The following CHST13 variants were observed in gnomAD, a reference collection of about 807,000 sequenced individuals.
CHST13 encodes the protein carbohydrate sulfotransferase 13.
CHST13 carries 1 observed loss-of-function variant against 7.0 expected under a neutral mutation model. The observed-to-expected ratio is 0.14, with a 90% confidence interval of 0.05 to 0.68. CHST13 has a LOEUF of 0.68. CHST13 is among the 30% of genes least tolerant of loss of function. The pLI, the probability that CHST13 is intolerant of heterozygous loss-of-function variation, is 0.82. For missense variants in CHST13, 572 were observed against 507.9 expected, an observed-to-expected ratio of 1.13 and a Z score of -1.21; for synonymous variants, 257 against 240.9, an observed-to-expected ratio of 1.07 and a Z score of -0.62.
chr3:126,528,898 A>G (rs1936589491), intron 1 of CHST13, among the ~76,000 whole-genome samples: 1 of 152,194 alleles, frequency 6.6e-6, no homozygotes, highest in Non-Finnish European at 1.5e-5. Context: ...CATGCAGGTC[A>G]CCCCAGAAAG....
At chr3:126,535,355 G>A (rs1410551066) in intron 1 of CHST13, among the ~76,000 whole-genome samples, 2 of 149,486 alleles carry the variant, frequency 1.3e-5, no homozygotes, top group Non-Finnish European at 3.0e-5. Context: ...TCAGCCGGGA[G>A]ACACACAGAC....
chr3:126,542,542 C>G lies in CHST13; in HGVS notation c.990C>G (p.Phe330Leu). The G allele has an allele frequency of 6.5e-7, 1 of 1,531,426 alleles. No individual in the cohort carries two copies. Among genetic ancestry groups the G allele is most frequent in the Non-Finnish European group, 8.7e-7 (1 of 1,144,840 alleles). 94.9% of individuals were successfully genotyped at this position (1,531,426 alleles called of 1,614,324 possible). ...TCTACAAGATGGACTTCCTGCTTTT[C>G]AACTACTCCGCCCCCTCCTACCTGC... ...FDLYKMDFLL[F>L]NYSAPSYLRL... The change falls in exon 3 of 3, where the codon TTC becomes TTG. Residue 330 changes from phenylalanine (F) to leucine (L), a missense_variant. Phe to Leu is a conservative substitution (Grantham distance 22, BLOSUM62 0). Transcript: ENST00000319340.
chr3:126,539,248 A>G (rs1045483732), intron 2 of CHST13, among the ~76,000 whole-genome samples: 1 of 152,126 alleles, frequency 6.6e-6, no homozygotes, highest in African/African-American at 2.4e-5. Context: ...GTCTGAACGT[A>G]TCTCTAAAAT....
intron 1 of CHST13, among the ~76,000 whole-genome samples, chr3:126,525,416 T>TC: frequency 6.6e-6 from 1 of 152,074 alleles, no homozygotes; most frequent in Middle Eastern, 3.4e-3. Context: ...CTCTGCCCAC[T>TC]CCCCCTGACC....
intron 1 of CHST13, among the ~76,000 whole-genome samples, chr3:126,524,709 G>A (rs1936502645): frequency 6.6e-6 from 1 of 152,186 alleles, no homozygotes; most frequent in South Asian, 2.1e-4. Context: ...CAGTTGTGGG[G>A]GGTAGAGGAC....
At chr3:126,529,228 G>A in intron 1 of CHST13, 1 of 972,648 alleles carries the variant, frequency 1.0e-6, no homozygotes, top group Non-Finnish European at 1.4e-6. Flanking sequence ...GTTTCACCCG[G>A]TATCTTGATT....
At chr3:126,538,390 T>TA (rs1291583263) in intron 2 of CHST13, among the ~76,000 whole-genome samples, 1 of 152,212 alleles carries the variant, frequency 6.6e-6, no homozygotes, top group Non-Finnish European at 1.5e-5. Context: ...CTTTTCACCC[T>TA]AAGGGAGTCT....
chr3:126,531,921 C>T (rs1936668104), intron 1 of CHST13, among the ~76,000 whole-genome samples: 1 of 152,176 alleles, frequency 6.6e-6, no homozygotes, highest in Admixed American at 6.6e-5. Context: ...TACATCCCCA[C>T]CAGCAATATA....
In CHST13 at chr3:126,536,277, G is replaced by A. The variant is rs372803956; in HGVS notation, c.104G>A (p.Gly35Glu). Reference sequence around the variant, plus strand: ...TCTCTCCTTATGCCCACAGCATTTGGAAACAGAGCCCTGGGCTCCAGCTGG... The same window carrying A: ...TCTCTCCTTATGCCCACAGCATTTGAAAACAGAGCCCTGGGCTCCAGCTGG... ...AAPRSLRPAF[G>E]NRALGSSWLG... is the part of the protein sequence containing the mutation. Residue 35 changes from glycine (G) to glutamate (E), a missense_variant, in exon 2 of 3, where the codon GGA (glycine) becomes GAA (glutamate). Physicochemically the swap from Gly to Glu is moderately conservative, Grantham distance 98. Coordinates refer to ENST00000319340, the MANE Select transcript of CHST13 (RefSeq NM_152889.3). 1.9e-5 allele frequency: 30 copies of A among 1,613,568 alleles called. No individual in the cohort carries two copies. The highest frequency in any genetic ancestry group is 2.4e-5 in the Non-Finnish European group (28 of 1,179,774).
rs1205673118 is a variant in CHST13 at position 126,541,949 on chromosome 3, G to A, written c.397G>A (p.Gly133Ser). 1.9e-6 allele frequency: 3 copies of A among 1,587,662 alleles called. No individual in the cohort carries two copies. Among genetic ancestry groups the A allele is most frequent in the Non-Finnish European group, 1.7e-6 (2 of 1,168,448 alleles). Residue 133 changes from glycine (G) to serine (S), a missense_variant, in exon 3 of 3, where the codon GGC becomes AGC. Transcript: ENST00000319340. ...VLLALSGQAR[G>S]DPRAISAQEA... ...GCTGGCGCTGAGCGGCCAAGCCCGCGGCGACCCGCGCGCCATCTCCGCGCA... is the reference window on the plus strand; with the variant it reads ...GCTGGCGCTGAGCGGCCAAGCCCGCAGCGACCCGCGCGCCATCTCCGCGCA...
At chr3:126,537,886 CAAG>C (rs1936831321) in intron 2 of CHST13, among the ~76,000 whole-genome samples, 1 of 152,204 alleles carries the variant, frequency 6.6e-6, no homozygotes, top group Non-Finnish European at 1.5e-5. Flanking sequence ...CATGGGGAGG[CAAG>C]TGCCCTGCAA....
At chr3:126,540,355 A>G (rs72982024) in intron 2 of CHST13, among the ~76,000 whole-genome samples, 1 of 152,008 alleles carries the variant, frequency 6.6e-6, no homozygotes, top group Non-Finnish European at 1.5e-5. Context: ...GCCCAGTGTC[A>G]GTCCATCAGC....
chr3:126,541,367 T>A (rs1470759053), intron 2 of CHST13, among the ~76,000 whole-genome samples: 1 of 152,178 alleles, frequency 6.6e-6, no homozygotes, highest in Non-Finnish European at 1.5e-5. Flanking sequence ...CAGCGCTGCT[T>A]CTTATGCAGC....
At chr3:126,528,600 C>T (rs951156303) in intron 1 of CHST13, among the ~76,000 whole-genome samples, 1 of 152,032 alleles carries the variant, frequency 6.6e-6, no homozygotes, top group Non-Finnish European at 1.5e-5. Flanking sequence ...CCAGGGAGAG[C>T]CCTGGGGCCT....
In CHST13 at chr3:126,542,354, G is replaced by A. The variant is rs768079076; in HGVS notation, c.802G>A (p.Glu268Lys). The A allele has an allele frequency of 6.4e-7, 1 of 1,566,954 alleles. No individual in the cohort carries two copies. The highest frequency in any genetic ancestry group is 8.6e-7 in the Non-Finnish European group (1 of 1,158,280). ...CCGCTACGACGTCGTGGGCAAGTTC[G>A]AGACGCTGGCGGAGGACGCGGCCTT... ...RLRYDVVGKF[E>K]TLAEDAAFVL... Residue 268 changes from glutamate (E) to lysine (K), a missense_variant, in exon 3 of 3, where the codon GAG (glutamate) becomes AAG (lysine). Glu to Lys is a moderately conservative substitution (Grantham distance 56). Transcript: ENST00000319340.
chr3:126,527,004 G>A (rs1476424549), intron 1 of CHST13: 1 of 152,248 alleles, frequency 6.6e-6, no homozygotes, highest in Non-Finnish European at 1.5e-5. Flanking sequence ...GCCTCGAGGA[G>A]CTTACATTTT....
At chr3:126,537,656 C>T (rs972568656) in intron 2 of CHST13, among the ~76,000 whole-genome samples, 15 of 152,188 alleles carry the variant, frequency 9.9e-5, no homozygotes, top group African/African-American at 2.9e-4. Flanking sequence ...CTAGCTCTGG[C>T]GGCTTCTGAG....
chr3:126,524,597 G>GC (rs1182672166), intron 1 of CHST13, among the ~76,000 whole-genome samples, 168 bp downstream of exon 1: 1 of 152,196 alleles, frequency 6.6e-6, no homozygotes, highest in East Asian at 1.9e-4. Context: ...GGCTCTAGAC[G>GC]CCCCCGCGAG....
chr3:126,540,050 G>T (rs948618409), intron 2 of CHST13, among the ~76,000 whole-genome samples: 21 of 147,014 alleles, frequency 1.4e-4, no homozygotes, highest in Non-Finnish European at 2.6e-4. Flanking sequence ...ACCACACAGA[G>T]ACATCATGCA....
Sources: allele counts gnomAD v4.1 joint callset (sites outside exome capture counted in the v4.1 genomes callset), GRCh38; gene constraint gnomAD v4.1.1; transcripts MANE v1.5; gene names NCBI Gene and HGNC (gene_info 2026-07-23, HGNC 2026-07-21).